FSTL5: variants seen among roughly 807,000 people sequenced by gnomAD.
The protein encoded by FSTL5 is follistatin-related protein 5.
FSTL5 carries 62 observed loss-of-function variants against 89.1 expected under a neutral mutation model. The ratio of observed to expected loss-of-function variants is 0.70; its 90% confidence interval spans 0.57 to 0.86. FSTL5 has a LOEUF of 0.86. Ranked by LOEUF, FSTL5 falls within the 40% of genes least tolerant of loss-of-function variation. FSTL5 has a pLI of 0.00. For synonymous variants in FSTL5, 383 were observed against 346.2 expected, an observed-to-expected ratio of 1.11 and a Z score of -1.18; for missense variants, 1,057 against 1,001.6, an observed-to-expected ratio of 1.06 and a Z score of -0.75.
chr4:162,096,434 G>C (rs1730755690), intron 2 of FSTL5, among the ~76,000 whole-genome samples: 1 of 151,546 alleles, frequency 6.6e-6, no homozygotes, highest in Admixed American at 6.6e-5. Flanking sequence ...TATATAATCA[G>C]AAATGCTTTA....
chr4:161,942,481 G>A (rs1398421872), intron 3 of FSTL5, among the ~76,000 whole-genome samples: 1 of 151,938 alleles, frequency 6.6e-6, no homozygotes, highest in Non-Finnish European at 1.5e-5. Flanking sequence ...AAGGATTACT[G>A]AAATAACATA....
intron 12 of FSTL5, among the ~76,000 whole-genome samples, chr4:161,491,506 C>T (rs1729871600): frequency 6.6e-6 from 1 of 151,854 alleles, no homozygotes; most frequent in Admixed American, 6.6e-5. Context: ...TGGGATAGAA[C>T]TGATCGCTTC....
chr4:161,920,735 A>C, intron 3 of FSTL5, 83 bp from the exon 4 acceptor site: 1 of 1,340,146 alleles, frequency 7.5e-7, no homozygotes, highest in Non-Finnish European at 1.0e-6. Context: ...AGTGGAAAAC[A>C]AGTGTTCTAA....
intron 8 of FSTL5, among the ~76,000 whole-genome samples, chr4:161,546,928 G>T (rs1288398183): frequency 6.6e-6 from 1 of 151,936 alleles, no homozygotes; most frequent in Non-Finnish European, 1.5e-5. Context: ...CTGTGGGCTG[G>T]ATTTAATGAC....
At chr4:161,945,588 C>T (rs1734712574) in intron 3 of FSTL5, among the ~76,000 whole-genome samples, 2 of 152,144 alleles carry the variant, frequency 1.3e-5, no homozygotes, top group Non-Finnish European at 2.9e-5. Context: ...CCCATCTCTA[C>T]TAAAAATACA....
At chr4:162,055,237 A>G (rs1042233708) in intron 2 of FSTL5, among the ~76,000 whole-genome samples, 4 of 151,812 alleles carry the variant, frequency 2.6e-5, no homozygotes, top group Non-Finnish European at 4.4e-5. Context: ...ATTTAAAAAT[A>G]TATATATTTT....
intron 4 of FSTL5, among the ~76,000 whole-genome samples, chr4:161,880,151 G>C (rs1008898999): frequency 7.9e-5 from 12 of 152,040 alleles, no homozygotes; most frequent in African/African-American, 2.9e-4. Context: ...GGAGGCACTG[G>C]AGTGGTGGTA....
chr4:161,614,972 T>C (rs1264199677), intron 7 of FSTL5, among the ~76,000 whole-genome samples: 3 of 151,986 alleles, frequency 2.0e-5, no homozygotes, highest in African/African-American at 7.2e-5. Context: ...TCAACAAAGA[T>C]GAAGTGATCA....
chr4:162,048,152 ACCCAT>A (rs1356101840), intron 2 of FSTL5, among the ~76,000 whole-genome samples: 1 of 151,688 alleles, frequency 6.6e-6, no homozygotes, highest in Non-Finnish European at 1.5e-5. Flanking sequence ...CATGGTGAAA[ACCCAT>A]CTCTACTAAA....
intron 3 of FSTL5, among the ~76,000 whole-genome samples, chr4:161,999,548 T>C (rs1460924243): frequency 1.3e-5 from 2 of 152,182 alleles, no homozygotes; most frequent in African/African-American, 2.4e-5. Flanking sequence ...AAACACTTCA[T>C]GGTGTCACTA....
At chr4:161,812,562 G>T (rs1730186750) in intron 4 of FSTL5, among the ~76,000 whole-genome samples, 1 of 151,734 alleles carries the variant, frequency 6.6e-6, no homozygotes, top group Admixed American at 6.6e-5. Flanking sequence ...TACCACATGT[G>T]GTTCTAATTA....
intron 2 of FSTL5, among the ~76,000 whole-genome samples, chr4:162,042,673 G>A (rs916662973): frequency 6.6e-6 from 1 of 151,738 alleles, no homozygotes; most frequent in Non-Finnish European, 1.5e-5. Flanking sequence ...CACACATATA[G>A]GCACTCCTCT....
chr4:162,007,149 T>A, intron 3 of FSTL5, among the ~76,000 whole-genome samples: 1 of 151,750 alleles, frequency 6.6e-6, no homozygotes, highest in East Asian at 1.9e-4. Context: ...TTTAAAAAGA[T>A]AGTTGTTTAA....
At chr4:161,851,585 G>A (rs1038182020) in intron 4 of FSTL5, among the ~76,000 whole-genome samples, 34 of 151,930 alleles carry the variant, frequency 2.2e-4, no homozygotes, top group Non-Finnish European at 1.0e-4. Context: ...TGAAATATGT[G>A]TATATATAAT....
chr4:161,520,719 C>A (rs1035739066), intron 10 of FSTL5, among the ~76,000 whole-genome samples: 12 of 152,026 alleles, frequency 7.9e-5, no homozygotes, highest in African/African-American at 2.9e-4. Context: ...GATAGAGCAC[C>A]CAGAAATCTG....
chr4:161,856,662 G>GTGTA (rs1553971994), intron 4 of FSTL5, among the ~76,000 whole-genome samples: 26 of 147,866 alleles, frequency 1.8e-4, no homozygotes, highest in Middle Eastern at 3.5e-3. Context: ...GTGTGTGTGT[G>GTGTA]TATATATATA....
intron 3 of FSTL5, among the ~76,000 whole-genome samples, chr4:161,943,208 T>A (rs1267862273): frequency 6.6e-6 from 1 of 152,030 alleles, no homozygotes; most frequent in Non-Finnish European, 1.5e-5. Context: ...AATCCTATGC[T>A]CATGGATTTG....
intron 4 of FSTL5, among the ~76,000 whole-genome samples, chr4:161,910,189 G>A (rs1733650296): frequency 6.6e-6 from 1 of 151,924 alleles, no homozygotes; most frequent in Non-Finnish European, 1.5e-5. Context: ...TGTAACACTG[G>A]TGGCTATGCA....
chr4:162,056,087 A>T (rs1337893048), intron 2 of FSTL5, among the ~76,000 whole-genome samples: 1 of 151,984 alleles, frequency 6.6e-6, no homozygotes, highest in Non-Finnish European at 1.5e-5. Flanking sequence ...ATTGATAGTT[A>T]CCAAATTTAA....
Sources: allele counts gnomAD v4.1 joint callset (sites outside exome capture counted in the v4.1 genomes callset), GRCh38; gene constraint gnomAD v4.1.1; transcripts MANE v1.5; gene names NCBI Gene and HGNC (gene_info 2026-07-23, HGNC 2026-07-21).